The following GMDS variants were observed in gnomAD, a reference collection of about 807,000 sequenced individuals.
GMDS encodes GDP-mannose 4,6-dehydratase.
GMDS carries 20 observed loss-of-function variants against 49.9 expected under a neutral mutation model. The ratio of observed to expected loss-of-function variants is 0.40; its 90% CI spans 0.28 to 0.58. GMDS has a LOEUF of 0.58. GMDS is among the 20% of genes least tolerant of loss of function. GMDS has a pLI of 0.42. For synonymous variants in GMDS, 177 were observed against 178.6 expected (o/e 0.99, Z 0.07); for missense variants, 362 against 481.4 (o/e 0.75, Z 2.32).
intron 6 of GMDS, among the ~76,000 whole-genome samples, chr6:1,938,937 T>G (rs1762676122): frequency 6.6e-6 from 1 of 150,824 alleles, no homozygotes; most frequent in South Asian, 2.1e-4. Flanking sequence ...CTTCTTCCCT[T>G]CCTTCCTCCC....
At chr6:2,090,386 C>G (rs997361276) in intron 4 of GMDS, among the ~76,000 whole-genome samples, 45 of 152,130 alleles carry the variant, frequency 3.0e-4, no homozygotes, top group Non-Finnish European at 1.2e-4. Flanking sequence ...ACAAGTTTAT[C>G]TGACGATAGT....
In GMDS at chr6:1,624,066, G is replaced by A; in HGVS notation, c.*103C>T. ...GCGCAGCGGCAGCAGGGGCCGCAGG[G>A]GACCCGCAGATTGGCACGCCGCTCC... On this transcript the variant is annotated 3_prime_UTR_variant, in exon 11 of 11. Coordinates refer to ENST00000380815, the MANE Select transcript of GMDS (RefSeq NM_001500.4). 1.9e-6 allele frequency: 2 copies of A among 1,029,528 alleles called. No homozygotes were observed. Among genetic ancestry groups the A allele is most frequent in the Middle Eastern group, 2.6e-4 (1 of 3,824 alleles). The allele number at this position is 1,029,528 out of a possible 1,614,324, so 63.8% of individuals were successfully genotyped here. A position where few individuals can be genotyped will look rare whatever the true frequency, so the allele number is the denominator to read the frequency against.
intron 4 of GMDS, among the ~76,000 whole-genome samples, chr6:1,976,454 A>T (rs1300741085): frequency 1.3e-5 from 2 of 152,240 alleles, no homozygotes; most frequent in Admixed American, 1.3e-4. Context: ...ATGAATGAAT[A>T]GGAGCAGGGT....
At chr6:2,148,709 C>G (rs1166034480) in intron 1 of GMDS, among the ~76,000 whole-genome samples, 1 of 152,208 alleles carries the variant, frequency 6.6e-6, no homozygotes, top group Non-Finnish European at 1.5e-5. Flanking sequence ...CATGAACCAC[C>G]ACGTCCGGCC....
intron 9 of GMDS, among the ~76,000 whole-genome samples, chr6:1,631,417 T>G (rs1476313224): frequency 1.3e-5 from 2 of 152,156 alleles, no homozygotes; most frequent in African/African-American, 4.8e-5. Flanking sequence ...GATCCTGAAT[T>G]GCATAAGAGG....
At chr6:2,115,000 C>A (rs1774764149) in intron 4 of GMDS, among the ~76,000 whole-genome samples, 2 of 152,046 alleles carry the variant, frequency 1.3e-5, no homozygotes. Context: ...ATTTTCTGGA[C>A]TTTTGAGGGG....
Position 1,674,406 on chromosome 6 carries a change from G to C in GMDS, c.988-49866C>G, listed in dbSNP as rs565876093. 5.9e-5 allele frequency among the ~76,000 whole-genome samples: 9 copies of C among 152,040 alleles called. No homozygotes were observed. The South Asian group carries it at 1.9e-3, about 32-fold the overall frequency. ...TTTTAAGAGTTCTTTGTACATTCTAGATAATCAGTCCTTTACTGACTATGT... is the reference window on the plus strand; with the variant it reads ...TTTTAAGAGTTCTTTGTACATTCTACATAATCAGTCCTTTACTGACTATGT... On this transcript the variant is annotated intron_variant, in intron 9 of 10. Coordinates refer to ENST00000380815, the MANE Select transcript of GMDS (RefSeq NM_001500.4).
chr6:1,909,378 T>TACAAATC (rs1420249785), intron 7 of GMDS, among the ~76,000 whole-genome samples: 1 of 152,230 alleles, frequency 6.6e-6, no homozygotes, highest in Non-Finnish European at 1.5e-5. Context: ...CTCTGCCTAG[T>TACAAATC]ACAAATCAAA....
intron 9 of GMDS, among the ~76,000 whole-genome samples, chr6:1,629,385 G>A (rs943276723): frequency 6.6e-6 from 1 of 152,084 alleles, no homozygotes; most frequent in Non-Finnish European, 1.5e-5. Context: ...GGCAATAAGA[G>A]AGGAGAAGAA....
chr6:1,624,170 C>T lies in GMDS; in HGVS notation c.1118G>A (p.Ter373=). 1.2e-6 allele frequency: 2 copies of T among 1,609,060 alleles called. No individual in the cohort carries two copies. Among genetic ancestry groups the T allele is most frequent in the Non-Finnish European group, 1.7e-6 (2 of 1,179,558 alleles). Residue 373 remains the stop codon, a stop_retained_variant, in exon 11 of 11, where the codon TGA becomes TAA. Coordinates refer to ENST00000380815, the MANE Select transcript of GMDS (RefSeq NM_001500.4). The part of the protein sequence containing the change: ...VELMRTNPNA[*] ...GCGGGCCGGGCTCCGAGGCGCTGCT[C>T]AGGCATTGGGGTTTGTCCTCATGAG... is the stretch of plus-strand genomic sequence containing the variant.
Position 1,778,700 on chromosome 6 carries a change from G to A in GMDS, c.772-36114C>T, listed in dbSNP as rs1768944407. On this transcript the variant is annotated intron_variant, in intron 7 of 10. Coordinates refer to ENST00000380815, the MANE Select transcript of GMDS (RefSeq NM_001500.4). The surrounding 1 kb of genome is among the most constrained non-coding windows in gnomAD (Gnocchi z 4.6). ...CCATTATTTTTGTCTGTCACTGGAGGGAACTTTCCCTTCCTGCCAGCCAGG... is the reference window on the plus strand; with the variant it reads ...CCATTATTTTTGTCTGTCACTGGAGAGAACTTTCCCTTCCTGCCAGCCAGG... Among the ~76,000 whole-genome samples the A allele has an allele frequency of 6.6e-6, 1 of 151,986 alleles. No individual in the cohort carries two copies. The highest frequency in any genetic ancestry group is 2.4e-5 in the African/African-American group (1 of 41,286).
chr6:2,191,095 A>G lies in GMDS; in HGVS notation c.102+54226T>C, dbSNP rs1778993869. Among the ~76,000 whole-genome samples, 1 of 152,084 alleles carries G rather than the reference A, an allele frequency of 6.6e-6. No homozygotes were observed. The highest frequency in any genetic ancestry group is 6.5e-5 in the Admixed American group (1 of 15,282). Reference sequence around the variant, plus strand: ...CAGGGACCCAGCCAGTGGTGCGGTCACCACGCCCACTGCACCAAGGGTGCC... The same window carrying G: ...CAGGGACCCAGCCAGTGGTGCGGTCGCCACGCCCACTGCACCAAGGGTGCC... On this transcript the variant is annotated intron_variant, in intron 1 of 10. Coordinates refer to ENST00000380815, the MANE Select transcript of GMDS (RefSeq NM_001500.4). This position sits in a 1 kb window ranked among gnomAD's most constrained non-coding sequence, Gnocchi z 4.6.
At chr6:1,903,073 C>G (rs1220111602) in intron 7 of GMDS, among the ~76,000 whole-genome samples, 1 of 152,080 alleles carries the variant, frequency 6.6e-6, no homozygotes, top group African/African-American at 2.4e-5. Context: ...AGGAGATTCA[C>G]TTTGTTTTAT....
At chr6:1,966,277 A>G (rs1249114993) in intron 4 of GMDS, among the ~76,000 whole-genome samples, 2 of 151,960 alleles carry the variant, frequency 1.3e-5, no homozygotes, top group African/African-American at 4.8e-5. Context: ...TATGCATCCA[A>G]TCACAAAGAG....
intron 4 of GMDS, among the ~76,000 whole-genome samples, chr6:2,041,908 G>A (rs1769707685): frequency 6.6e-6 from 1 of 152,176 alleles, no homozygotes; most frequent in Non-Finnish European, 1.5e-5. Flanking sequence ...AAGAGCAGAG[G>A]TGACAATGCC....
chr6:1,877,499 G>C (rs1006756846), intron 7 of GMDS, among the ~76,000 whole-genome samples: 1 of 151,926 alleles, frequency 6.6e-6, no homozygotes, highest in South Asian at 2.1e-4. Context: ...TTAGCCAGGC[G>C]TGACGGTGTG....
At chr6:1,782,796 G>A (rs1287894883) in intron 7 of GMDS, among the ~76,000 whole-genome samples, 1 of 152,200 alleles carries the variant, frequency 6.6e-6, no homozygotes, top group East Asian at 1.9e-4. Flanking sequence ...CCATACTTGG[G>A]TGTGAACTTG....
chr6:1,942,077 C>T (rs989791645), intron 6 of GMDS, among the ~76,000 whole-genome samples: 20 of 152,174 alleles, frequency 1.3e-4, no homozygotes, highest in African/African-American at 4.8e-4. Context: ...CCTGCAACTT[C>T]CTGGTCGGAT....
At chr6:2,060,614 T>C (rs1475178998) in intron 4 of GMDS, among the ~76,000 whole-genome samples, 2 of 152,132 alleles carry the variant, frequency 1.3e-5, no homozygotes, top group Non-Finnish European at 2.9e-5. Context: ...AAGTGAAATA[T>C]GTAGAGTACG....
Sources: allele counts gnomAD v4.1 joint callset (sites outside exome capture counted in the v4.1 genomes callset), GRCh38; gene constraint gnomAD v4.1.1; non-coding constraint Gnocchi (gnomAD v3.1); transcripts MANE v1.5; gene names NCBI Gene and HGNC (gene_info 2026-07-23, HGNC 2026-07-21).